GLRX3: variants seen among roughly 807,000 people sequenced by gnomAD.
GLRX3 encodes the protein glutaredoxin-3.
A neutral mutation model predicts 49.5 loss-of-function variants in GLRX3; 22 were observed. The observed-to-expected ratio is 0.44, with a 90% CI of 0.32 to 0.63. The LOEUF is 0.63. Ranked by LOEUF, GLRX3 falls within the 30% of genes least tolerant of loss-of-function variation. The pLI, the probability that GLRX3 is intolerant of heterozygous loss-of-function variation, is 0.05. For missense variants in GLRX3, 385 were observed against 396.3 expected (o/e 0.97, Z 0.24); for synonymous variants, 133 against 140.0 (o/e 0.95, Z 0.35).
At chr10:130,175,192 G>T in intron 10 of GLRX3, 103 bp downstream of exon 10, 1 of 724,450 alleles carries the variant, frequency 1.4e-6, no homozygotes, top group Non-Finnish European at 2.5e-6. Context: ...TTTGACTCCT[G>T]TTTCCAGCCT....
At chr10:130,143,548 T>A (rs1213989258) in intron 1 of GLRX3, among the ~76,000 whole-genome samples, 2 of 152,020 alleles carry the variant, frequency 1.3e-5, no homozygotes, top group Non-Finnish European at 2.9e-5. Flanking sequence ...TTTTTTTTTT[T>A]AAATGGGTCT....
chr10:130,147,451 A>G (rs12247627), intron 2 of GLRX3, among the ~76,000 whole-genome samples: 13,154 of 152,232 alleles, frequency 0.086, 914 homozygotes, highest in African/African-American at 0.19. Flanking sequence ...CAAGTGCTTA[A>G]GTATCTCTGT....
Position 130,150,751 on chromosome 10 carries a change from A to G in GLRX3, c.201+5432A>G, listed in dbSNP as rs185713885. Among the ~76,000 whole-genome samples the G allele has an allele frequency of 2.2e-3, 330 of 152,270 alleles. 4 individuals are homozygous for G. The highest frequency in any genetic ancestry group is 8.5e-4 in the Admixed American group (13 of 15,288). On this transcript the variant is annotated intron_variant, in intron 2 of 10. Transcript: ENST00000331244. ...GTATGTAAACAGATAGTGTTGGGCAATCTTCCGAAGGGTACCAACTAGCTG... is the reference window on the plus strand; with the variant it reads ...GTATGTAAACAGATAGTGTTGGGCAGTCTTCCGAAGGGTACCAACTAGCTG...
chr10:130,160,661 C>T, intron 3 of GLRX3, 135 bp from the exon 4 acceptor site: 1 of 617,122 alleles, frequency 1.6e-6, no homozygotes, highest in East Asian at 2.7e-5. Flanking sequence ...AATTGAGATG[C>T]AGTGCAGGCA....
At chr10:130,152,226 C>T (rs1293059388) in intron 2 of GLRX3, among the ~76,000 whole-genome samples, 4 of 152,108 alleles carry the variant, frequency 2.6e-5, no homozygotes, top group Non-Finnish European at 4.4e-5. Context: ...ACCGTGTTGG[C>T]CAGGCTGGTC....
chr10:130,162,808 A>G (rs749776239), intron 4 of GLRX3, among the ~76,000 whole-genome samples: 3 of 152,100 alleles, frequency 2.0e-5, no homozygotes, highest in Non-Finnish European at 4.4e-5. Flanking sequence ...CCTCAGGCCC[A>G]CCCCTGCGGC....
At chr10:130,137,604 G>A (rs891205881) in intron 1 of GLRX3, among the ~76,000 whole-genome samples, 2 of 152,186 alleles carry the variant, frequency 1.3e-5, no homozygotes, top group African/African-American at 2.4e-5. Flanking sequence ...TTGTTGTGAG[G>A]GTTAAATGAG....
intron 2 of GLRX3, among the ~76,000 whole-genome samples, chr10:130,148,708 C>G (rs1165874378): frequency 6.6e-6 from 1 of 151,914 alleles, no homozygotes; most frequent in Non-Finnish European, 1.5e-5. Flanking sequence ...TGCTGAAAGA[C>G]AAGGTTTTCA....
chr10:130,158,033 A>G (rs1349233451), intron 2 of GLRX3, among the ~76,000 whole-genome samples: 1 of 152,102 alleles, frequency 6.6e-6, no homozygotes, highest in East Asian at 1.9e-4. Flanking sequence ...CCTTCTTCTT[A>G]AGATTTGTCT....
intron 2 of GLRX3, among the ~76,000 whole-genome samples, chr10:130,156,485 C>T (rs1290015037): frequency 6.6e-6 from 1 of 152,078 alleles, no homozygotes; most frequent in Non-Finnish European, 1.5e-5. Flanking sequence ...CTTTAAGTTC[C>T]AGTTTCTTCT....
intron 10 of GLRX3, among the ~76,000 whole-genome samples, chr10:130,177,569 T>G (rs1395740041): frequency 6.6e-6 from 1 of 152,218 alleles, no homozygotes; most frequent in Admixed American, 6.5e-5. Context: ...AGAGGTCAGG[T>G]GAATTGTCCA....
chr10:130,178,547 C>T (rs994323140), intron 10 of GLRX3, among the ~76,000 whole-genome samples: 5 of 152,006 alleles, frequency 3.3e-5, no homozygotes, highest in African/African-American at 9.7e-5. Flanking sequence ...AGCCACTGCG[C>T]CCAGCCACAT....
chr10:130,149,132 T>C (rs1862322858), intron 2 of GLRX3, among the ~76,000 whole-genome samples: 1 of 152,166 alleles, frequency 6.6e-6, no homozygotes, highest in African/African-American at 2.4e-5. Context: ...TCCATTTACC[T>C]GAGTCACTGC....
rs754476707 is a variant in GLRX3 at position 130,169,472 on chromosome 10, T to A, written c.753T>A (p.Phe251Leu). The change falls in exon 7 of 11, where the codon TTT becomes TTA. Residue 251 changes from phenylalanine (F) to leucine (L), a missense_variant. Phe to Leu is a conservative substitution (Grantham distance 22). Around this residue, in one of 2 missense-constraint regions of GLRX3, gnomAD observed 374 missense variants for 358.6 expected, o/e 1.04. Transcript: ENST00000331244. ...VLTNKASVML[F>L]MKGNKQEAKC... ...CAAATAAAGCTTCTGTGATGCTCTT[T>A]ATGAAAGGAAACAAACAGGTAAAGA... 2 of 1,610,424 alleles carry A rather than the reference T, an allele frequency of 1.2e-6. No homozygotes were observed. The highest frequency in any genetic ancestry group is 2.2e-5 in the East Asian group (1 of 44,874).
At chr10:130,162,058 C>T (rs528143963) in intron 4 of GLRX3, among the ~76,000 whole-genome samples, 43 of 152,278 alleles carry the variant, frequency 2.8e-4, no homozygotes, top group African/African-American at 9.1e-4. Context: ...TGCGACGGAA[C>T]CTCTGTCTAC....
chr10:130,160,704 C>A, intron 3 of GLRX3, 92 bp from the exon 4 acceptor site: 1 of 743,602 alleles, frequency 1.3e-6, no homozygotes, highest in South Asian at 1.6e-5. Flanking sequence ...TTTACATCTC[C>A]GGTAATACTG....
intron 1 of GLRX3, among the ~76,000 whole-genome samples, chr10:130,140,192 G>A (rs1047135536): frequency 1.3e-5 from 2 of 152,162 alleles, no homozygotes; most frequent in African/African-American, 4.8e-5. Context: ...GATGAATGTA[G>A]TAGCAGAATA....
At chr10:130,179,244 T>G in intron 10 of GLRX3, 98 bp from the exon 11 acceptor site, 3 of 642,724 alleles carry the variant, frequency 4.7e-6, no homozygotes, top group Non-Finnish European at 8.2e-6. Flanking sequence ...AGGTGTTTCT[T>G]TTGGTTCTCA....
intron 1 of GLRX3, among the ~76,000 whole-genome samples, chr10:130,136,774 C>A (rs1030870845): frequency 1.3e-5 from 2 of 152,130 alleles, no homozygotes; most frequent in Admixed American, 1.3e-4. Flanking sequence ...GCTCCGACCC[C>A]GACGGCTGTC....
Sources: gnomAD v4.1 joint callset for allele counts (sites outside exome capture counted in the v4.1 genomes callset) on GRCh38, gnomAD v4.1.1 for gene constraint, gnomAD v4.1.1 regional missense constraint, MANE v1.5 for transcripts, NCBI Gene and HGNC (gene_info 2026-07-23, HGNC 2026-07-21) for gene names.